LCORL: variants seen among roughly 807,000 people sequenced by gnomAD.
LCORL encodes the protein ligand-dependent nuclear receptor corepressor-like protein.
LCORL carries 41 observed loss-of-function variants against 141.8 expected under a neutral mutation model. The ratio of observed to expected loss-of-function variants is 0.29; its 90% CI spans 0.23 to 0.38. LCORL has a LOEUF of 0.38. Among genes scored for constraint, LCORL ranks in the 10% least tolerant of loss-of-function variants. The pLI is 1.00. For synonymous variants in LCORL, 618 were observed against 694.1 expected, an observed-to-expected ratio of 0.89 and a Z score of 1.72; for missense variants, 1,759 against 2,035.0, an observed-to-expected ratio of 0.86 and a Z score of 2.61.
chr4:18,013,038 CCCT>C (rs1724051579), intron 1 of LCORL, among the ~76,000 whole-genome samples: 1 of 152,152 alleles, frequency 6.6e-6, no homozygotes, highest in African/African-American at 2.4e-5. Flanking sequence ...GCTGCCATCT[CCCT>C]CACTACTGAA....
Position 17,975,499 on chromosome 4 carries a change from G to A in LCORL, c.155-2614C>T, listed in dbSNP as rs78022442. Among the ~76,000 whole-genome samples, 1,238 of 151,618 alleles carry A rather than the reference G, an allele frequency of 8.2e-3. 6 individuals are homozygous for A. The highest frequency in any genetic ancestry group is 0.027 in the African/African-American group (1,134 of 41,262). On this transcript the variant is annotated intron_variant, in intron 1 of 7. Transcript: ENST00000635767. Reference sequence around the variant, plus strand: ...CAACCTCCACCTCCTGGGTACATGCGAATTCTCCTGCCTCAGCCTCCTGAG... The same window carrying A: ...CAACCTCCACCTCCTGGGTACATGCAAATTCTCCTGCCTCAGCCTCCTGAG...
chr4:18,019,392 G>A (rs1456241796), intron 1 of LCORL, among the ~76,000 whole-genome samples: 1 of 152,160 alleles, frequency 6.6e-6, no homozygotes, highest in Non-Finnish European at 1.5e-5. Context: ...GCTTAATTAG[G>A]ATGGAGACTG....
intron 7 of LCORL, among the ~76,000 whole-genome samples, chr4:17,871,217 T>C (rs1005838115): frequency 4.0e-5 from 6 of 151,650 alleles, no homozygotes; most frequent in African/African-American, 1.5e-4. Flanking sequence ...TACAACTTTA[T>C]AAAAATAATG....
intron 1 of LCORL, among the ~76,000 whole-genome samples, chr4:17,994,621 ACTT>A (rs1305827006): frequency 2.6e-5 from 4 of 152,124 alleles, no homozygotes; most frequent in African/African-American, 9.7e-5. Context: ...TCACAACTCT[ACTT>A]CATCACCTGT....
At chr4:17,960,692 GCAATTCTCCCACCTCAGCC>G (rs1296295237) in intron 4 of LCORL, among the ~76,000 whole-genome samples, 5 of 152,178 alleles carry the variant, frequency 3.3e-5, no homozygotes, top group Admixed American at 3.3e-4. Context: ...ATGGGCTGAA[GCAATTCTCCCACCTCAGCC>G]CACCTGTTAG....
At chr4:17,866,170 T>C (rs1056542058) in intron 7 of LCORL, among the ~76,000 whole-genome samples, 5 of 152,090 alleles carry the variant, frequency 3.3e-5, no homozygotes, top group African/African-American at 4.8e-5. Context: ...ACCTCAGCAT[T>C]TTTTCCACAT....
intron 7 of LCORL, among the ~76,000 whole-genome samples, chr4:17,851,798 A>G (rs1326847893): frequency 6.6e-6 from 1 of 152,210 alleles, no homozygotes; most frequent in African/African-American, 2.4e-5. Flanking sequence ...CAATGTGTGA[A>G]GAGGTCTTTC....
At chr4:18,020,813 C>G (rs1462723293) in intron 1 of LCORL, 1 of 152,292 alleles carries the variant, frequency 6.6e-6, no homozygotes, top group Non-Finnish European at 1.5e-5. Flanking sequence ...GGACCAGAGT[C>G]GTCGGGGCGT....
At chr4:17,910,499 T>C (rs1732356073) in intron 4 of LCORL, among the ~76,000 whole-genome samples, 2 of 152,194 alleles carry the variant, frequency 1.3e-5, no homozygotes, top group African/African-American at 4.8e-5. Context: ...ATGAATAGGC[T>C]TTCTCTGATC....
exon 4 of LCORL, chr4:17,961,973 C>T: frequency 6.2e-7 from 1 of 1,609,434 alleles, no homozygotes; most frequent in Non-Finnish European, 8.5e-7. Flanking sequence ...TGGACTGGCC[C>T]TGAGATGATA....
chr4:17,905,228 T>A (rs1406782925), intron 5 of LCORL, among the ~76,000 whole-genome samples: 2 of 152,160 alleles, frequency 1.3e-5, no homozygotes, highest in African/African-American at 4.8e-5. Context: ...TAGGTTATAA[T>A]GTCTTTGGTA....
chr4:17,917,186 TGA>T (rs1441825158), intron 4 of LCORL, among the ~76,000 whole-genome samples: 1 of 151,794 alleles, frequency 6.6e-6, no homozygotes, highest in African/African-American at 2.4e-5. Context: ...TTGGCCAGGC[TGA>T]GTTTTTTTTG....
At chr4:17,991,809 A>G (rs1044990005) in intron 1 of LCORL, among the ~76,000 whole-genome samples, 22 of 152,118 alleles carry the variant, frequency 1.4e-4, no homozygotes, top group Non-Finnish European at 2.6e-4. Flanking sequence ...AAAAAGAAAA[A>G]AATCAAATAT....
intron 4 of LCORL, among the ~76,000 whole-genome samples, chr4:17,961,084 G>C (rs1281685487): frequency 1.3e-5 from 2 of 152,034 alleles, no homozygotes; most frequent in Non-Finnish European, 2.9e-5. Context: ...ATTCCAAAGA[G>C]GAGTAAAATA....
chr4:17,937,945 C>T (rs995685238), intron 4 of LCORL, among the ~76,000 whole-genome samples: 1 of 150,004 alleles, frequency 6.7e-6, no homozygotes, highest in Non-Finnish European at 1.5e-5. Flanking sequence ...AATTAGGTTA[C>T]ATATTTACAT....
intron 7 of LCORL, among the ~76,000 whole-genome samples, chr4:17,868,634 C>T (rs1001030791): frequency 6.6e-6 from 1 of 152,118 alleles, no homozygotes; most frequent in Non-Finnish European, 1.5e-5. Context: ...TGCAACTGAC[C>T]TTTCACACAT....
intron 1 of LCORL, among the ~76,000 whole-genome samples, chr4:18,007,765 AGAAACTCACTC>A (rs1723051630): frequency 6.6e-6 from 1 of 152,226 alleles, no homozygotes; most frequent in African/African-American, 2.4e-5. Context: ...GTAGGTCAGC[AGAAACTCACTC>A]TGACAGAGGA....
At chr4:18,006,689 T>C (rs1722869744) in intron 1 of LCORL, among the ~76,000 whole-genome samples, 1 of 152,012 alleles carries the variant, frequency 6.6e-6, no homozygotes, top group Non-Finnish European at 1.5e-5. Flanking sequence ...AACCATCAGA[T>C]CTCATGAGAC....
chr4:18,008,052 A>T (rs1029798228), intron 1 of LCORL, among the ~76,000 whole-genome samples: 1 of 152,226 alleles, frequency 6.6e-6, no homozygotes, highest in African/African-American at 2.4e-5. Context: ...TTAAAATGAA[A>T]CAATTAGCTA....
Sources: gnomAD v4.1 joint callset for allele counts (sites outside exome capture counted in the v4.1 genomes callset) on GRCh38, gnomAD v4.1.1 for gene constraint, MANE v1.5 for transcripts, NCBI Gene and HGNC (gene_info 2026-07-23, HGNC 2026-07-21) for gene names.